The following COG6 variants were observed in gnomAD, a reference collection of about 807,000 sequenced individuals.
COG6 encodes component of oligomeric golgi complex 6, also known as conserved oligomeric Golgi complex subunit 6.
A neutral mutation model predicts 88.8 loss-of-function variants in COG6; 74 were observed. The ratio of observed to expected loss-of-function variants is 0.83; its 90% CI spans 0.69 to 1.01. The LOEUF (loss-of-function observed/expected upper bound fraction) is 1.01. Among genes scored for constraint, COG6 ranks in the 50% least tolerant of loss-of-function variants. The pLI, the probability that COG6 is intolerant of heterozygous loss-of-function variation, is 0.00. For synonymous variants in COG6, 286 were observed against 278.7 expected (o/e 1.03, Z -0.26); for missense variants, 800 against 797.9 (o/e 1.00, Z -0.03).
intron 18 of COG6, among the ~76,000 whole-genome samples, chr13:39,780,050 T>C (rs1393724595): frequency 6.6e-6 from 1 of 152,188 alleles, no homozygotes. Flanking sequence ...TGCTATCTGC[T>C]CCAGTCAAAG....
intron 18 of COG6, among the ~76,000 whole-genome samples, chr13:39,764,880 A>C (rs1881121137): frequency 6.6e-6 from 1 of 152,210 alleles, no homozygotes; most frequent in East Asian, 1.9e-4. Context: ...AAATTTTGTT[A>C]ATCTTGTTTA....
chr13:39,732,093 C>T (rs1879483327), intron 18 of COG6, among the ~76,000 whole-genome samples: 2 of 152,170 alleles, frequency 1.3e-5, no homozygotes, highest in African/African-American at 4.8e-5. Context: ...GAATCTTCTT[C>T]ACTCAGTCTT....
At chr13:39,736,687 A>G (rs1274047801) in intron 18 of COG6, among the ~76,000 whole-genome samples, 1 of 152,158 alleles carries the variant, frequency 6.6e-6, no homozygotes, top group Non-Finnish European at 1.5e-5. Context: ...GCAAAACTCC[A>G]TTTCAAAAAA....
intron 6 of COG6, 133 bp downstream of exon 6, chr13:39,679,753 G>A: frequency 2.7e-6 from 2 of 743,924 alleles, no homozygotes. Flanking sequence ...TTTAGAGAAT[G>A]GTGAAGTTAT....
At chr13:39,781,288 A>G (rs1218995960) in intron 18 of COG6, among the ~76,000 whole-genome samples, 1 of 152,150 alleles carries the variant, frequency 6.6e-6, no homozygotes, top group Non-Finnish European at 1.5e-5. Context: ...GCAAACATCA[A>G]ATTAGGTCCA....
At chr13:39,683,438 A>C (rs1303467258) in intron 8 of COG6, among the ~76,000 whole-genome samples, 2 of 152,218 alleles carry the variant, frequency 1.3e-5, no homozygotes, top group Non-Finnish European at 1.5e-5. Context: ...GCAAAGATAT[A>C]CATTGAGAGA....
intron 3 of COG6, among the ~76,000 whole-genome samples, chr13:39,664,368 T>A (rs578115856): frequency 6.6e-6 from 1 of 152,374 alleles, no homozygotes; most frequent in Admixed American, 6.5e-5. Context: ...GCCTCATGAC[T>A]ACTTCTCTTC....
chr13:39,725,360 G>C (rs1182704133), intron 17 of COG6, among the ~76,000 whole-genome samples: 2 of 151,790 alleles, frequency 1.3e-5, no homozygotes, highest in African/African-American at 4.8e-5. Flanking sequence ...TTTAACTACT[G>C]TACTAAACTA....
chr13:39,665,596 ATGAG>A (rs770535497), intron 4 of COG6, among the ~76,000 whole-genome samples: 3 of 152,206 alleles, frequency 2.0e-5, no homozygotes, highest in African/African-American at 7.2e-5. Flanking sequence ...GATTGAATGA[ATGAG>A]TGAGTGAGTG....
At chr13:39,715,478 G>A (rs974319693) in intron 13 of COG6, among the ~76,000 whole-genome samples, 2 of 151,898 alleles carry the variant, frequency 1.3e-5, no homozygotes, top group African/African-American at 2.4e-5. Flanking sequence ...GACACATAAC[G>A]TGTTTGCTCT....
At chr13:39,692,208 G>A (rs1223951803) in intron 11 of COG6, among the ~76,000 whole-genome samples, 1 of 151,940 alleles carries the variant, frequency 6.6e-6, no homozygotes, top group African/African-American at 2.4e-5. Flanking sequence ...TGGCTCATCA[G>A]CATCAACCCT....
At chr13:39,768,257 AT>A (rs1881222869) in intron 18 of COG6, among the ~76,000 whole-genome samples, 1 of 152,202 alleles carries the variant, frequency 6.6e-6, no homozygotes, top group South Asian at 2.1e-4. Flanking sequence ...TGGTGTTGGT[AT>A]CTCACTGGCA....
rs1164816920 is a variant in COG6, at chr13:39,655,702, A to C, written c.-25A>C. On this transcript the variant is annotated 5_prime_UTR_variant, in exon 1 of 19. Coordinates refer to ENST00000455146, the MANE Select transcript of COG6 (RefSeq NM_020751.3). ...GTGGTCCCTGCCTGGCTGAGGTGGC[A>C]GCAGGGGGCGGGACGCGCAGCGCTA... 1 of 1,553,882 alleles carries C rather than the reference A, an allele frequency of 6.4e-7. No individual in the cohort carries two copies. Among genetic ancestry groups the C allele is most frequent in the Admixed American group, 1.9e-5 (1 of 51,636 alleles).
chr13:39,720,879 C>T (rs962162683), intron 15 of COG6, among the ~76,000 whole-genome samples: 1 of 151,902 alleles, frequency 6.6e-6, no homozygotes, highest in African/African-American at 2.4e-5. Flanking sequence ...CTCCCCCAAC[C>T]CCCCTGGATA....
At chr13:39,785,030 T>A (rs1336737388) in intron 18 of COG6, among the ~76,000 whole-genome samples, 1 of 152,198 alleles carries the variant, frequency 6.6e-6, no homozygotes, top group Non-Finnish European at 1.5e-5. Context: ...GTCCTTGGCC[T>A]TGATCATGGC....
intron 11 of COG6, among the ~76,000 whole-genome samples, chr13:39,691,055 C>A (rs1268052147): frequency 6.6e-6 from 1 of 151,704 alleles, no homozygotes; most frequent in East Asian, 1.9e-4. Context: ...ATCTGCCTTA[C>A]CTTCCCCCCT....
At chr13:39,666,706 A>G (rs1490758365) in intron 4 of COG6, among the ~76,000 whole-genome samples, 3 of 152,172 alleles carry the variant, frequency 2.0e-5, no homozygotes, top group Admixed American at 2.0e-4. Flanking sequence ...AAAGGATATC[A>G]TGGGTCTTAG....
At chr13:39,788,639 C>A in exon 19 of COG6, 1 of 431,258 alleles carries the variant, frequency 2.3e-6, no homozygotes, top group Non-Finnish European at 4.2e-6. Flanking sequence ...GTATGCAAAG[C>A]ACTAAAATGG....
chr13:39,749,385 T>C (rs1593472045), intron 18 of COG6, among the ~76,000 whole-genome samples: 1 of 152,330 alleles, frequency 6.6e-6, no homozygotes, highest in Non-Finnish European at 1.5e-5. Flanking sequence ...ATGAACAACA[T>C]GTATTTCTGT....
Sources: allele counts gnomAD v4.1 joint callset (sites outside exome capture counted in the v4.1 genomes callset), GRCh38; gene constraint gnomAD v4.1.1; transcripts MANE v1.5; gene names NCBI Gene and HGNC (gene_info 2026-07-23, HGNC 2026-07-21).